The following PRKG1 variants were observed in gnomAD, a reference collection of about 807,000 sequenced individuals.
The protein encoded by PRKG1 is cGMP-dependent protein kinase 1.
PRKG1 carries 35 observed loss-of-function variants against 88.1 expected under a neutral mutation model. The ratio of observed to expected loss-of-function variants is 0.40; its 90% CI spans 0.30 to 0.53. The LOEUF (loss-of-function observed/expected upper bound fraction) is 0.53, where lower values mean the gene tolerates loss of function less well. Among genes scored for constraint, PRKG1 ranks in the 20% least tolerant of loss-of-function variants. The probability of loss-of-function intolerance (pLI) is 0.59; values close to 1 mark genes in which losing one functional copy is unlikely to be tolerated. For missense variants in PRKG1, 540 were observed against 839.8 expected (o/e 0.64, Z 4.41); for synonymous variants, 303 against 292.5 (o/e 1.04, Z -0.37).
chr10:51,982,170 A>G (rs894065962), intron 5 of PRKG1, among the ~76,000 whole-genome samples: 4 of 152,180 alleles, frequency 2.6e-5, no homozygotes, highest in African/African-American at 9.7e-5. Context: ...CAGGTTGATT[A>G]CATTCTTTTC....
chr10:51,979,847 A>G (rs933903622), intron 5 of PRKG1, among the ~76,000 whole-genome samples: 1 of 151,888 alleles, frequency 6.6e-6, no homozygotes, highest in Non-Finnish European at 1.5e-5. Context: ...CCTGTTTGTC[A>G]TTTATAATTG....
At chr10:52,081,629 A>G (rs940835823) in intron 7 of PRKG1, 2 of 456,564 alleles carry the variant, frequency 4.4e-6, no homozygotes, top group African/African-American at 2.0e-5. Context: ...GAAGCAAAAC[A>G]TGTTTCTTCA....
At chr10:51,407,201 T>C (rs1837945430) in intron 2 of PRKG1, among the ~76,000 whole-genome samples, 1 of 152,128 alleles carries the variant, frequency 6.6e-6, no homozygotes, top group Non-Finnish European at 1.5e-5. Flanking sequence ...TTCAATCCAA[T>C]CAAGTTGTCA....
chr10:51,261,666 A>T (rs1033104738), intron 2 of PRKG1, among the ~76,000 whole-genome samples: 3 of 152,166 alleles, frequency 2.0e-5, no homozygotes, highest in Admixed American at 2.0e-4. Flanking sequence ...GCAGCTTATT[A>T]TACACTGTAC....
At chr10:52,234,411 CT>C (rs1840621587) in intron 9 of PRKG1, among the ~76,000 whole-genome samples, 1 of 151,894 alleles carries the variant, frequency 6.6e-6, no homozygotes, top group South Asian at 2.1e-4. Context: ...CAGTTGAAAA[CT>C]TTGAAAAAAA....
chr10:52,072,667 C>A (rs1846531354), intron 7 of PRKG1, among the ~76,000 whole-genome samples: 1 of 152,066 alleles, frequency 6.6e-6, no homozygotes, highest in Non-Finnish European at 1.5e-5. Flanking sequence ...TTATCCTTGA[C>A]TCTTTCTTCT....
intron 2 of PRKG1, among the ~76,000 whole-genome samples, chr10:51,211,647 T>C (rs1468210624): frequency 2.0e-5 from 3 of 152,108 alleles, no homozygotes; most frequent in African/African-American, 7.2e-5. Flanking sequence ...TGTACAAAAA[T>C]CACAAGCATT....
At chr10:52,015,153 T>G (rs10733890) in intron 5 of PRKG1, among the ~76,000 whole-genome samples, 120,513 of 152,196 alleles carry the variant, frequency 0.79, 47,887 homozygotes, top group Non-Finnish European at 0.82. Context: ...TGCCCTAGTA[T>G]AGGTTCTCCA....
chr10:51,587,692 G>A (rs184693420), intron 3 of PRKG1, among the ~76,000 whole-genome samples: 1 of 152,270 alleles, frequency 6.6e-6, no homozygotes, highest in Non-Finnish European at 1.5e-5. Flanking sequence ...TCCATTGGCA[G>A]CATAGTACAA....
chr10:52,215,264 G>T (rs1463908744), intron 9 of PRKG1, among the ~76,000 whole-genome samples: 1 of 151,800 alleles, frequency 6.6e-6, no homozygotes, highest in Non-Finnish European at 1.5e-5. Flanking sequence ...CATGGTGGTG[G>T]GCACCTGTAA....
intron 2 of PRKG1, among the ~76,000 whole-genome samples, chr10:51,295,755 G>A (rs1210829134): frequency 1.3e-5 from 2 of 152,008 alleles, no homozygotes. Context: ...TCTTATACCA[G>A]AAATTAAAGA....
chr10:51,414,327 AAG>A (rs1429444976), intron 2 of PRKG1, among the ~76,000 whole-genome samples: 1 of 152,212 alleles, frequency 6.6e-6, no homozygotes, highest in Non-Finnish European at 1.5e-5. Context: ...AGGAGTTCTG[AAG>A]AGAGGCAAAA....
At chr10:51,096,689 G>A (rs560014900) in intron 1 of PRKG1, among the ~76,000 whole-genome samples, 2 of 152,216 alleles carry the variant, frequency 1.3e-5, no homozygotes, top group South Asian at 2.1e-4. Flanking sequence ...CTATAAAACA[G>A]AGATAATAAT....
intron 17 of PRKG1, among the ~76,000 whole-genome samples, chr10:52,291,352 C>G (rs1249113348): frequency 1.3e-5 from 2 of 149,958 alleles, no homozygotes; most frequent in African/African-American, 2.5e-5. Context: ...TGTGCTGCAC[C>G]CATTAACTTG....
intron 9 of PRKG1, among the ~76,000 whole-genome samples, chr10:52,163,288 CTT>C (rs1481641265): frequency 1.4e-5 from 2 of 147,388 alleles, no homozygotes; most frequent in African/African-American, 5.0e-5. Context: ...ATATATACAT[CTT>C]ATATATAATT....
intron 2 of PRKG1, among the ~76,000 whole-genome samples, chr10:51,322,643 C>T (rs1379569719): frequency 6.6e-6 from 1 of 152,124 alleles, no homozygotes; most frequent in Non-Finnish European, 1.5e-5. Context: ...AGATATCCAT[C>T]ATCTGATTTA....
intron 2 of PRKG1, among the ~76,000 whole-genome samples, chr10:51,370,337 A>T (rs759239300): frequency 1.3e-5 from 2 of 152,080 alleles, no homozygotes; most frequent in Non-Finnish European, 2.9e-5. Flanking sequence ...CTTGCAAAAG[A>T]GTTTGGTTAA....
intron 1 of PRKG1, among the ~76,000 whole-genome samples, chr10:51,142,822 T>C (rs1389363688): frequency 6.6e-6 from 1 of 152,118 alleles, no homozygotes; most frequent in Non-Finnish European, 1.5e-5. Context: ...AAAAGTCATA[T>C]TATCCAAGCA....
intron 1 of PRKG1, among the ~76,000 whole-genome samples, chr10:51,115,385 A>ATATATATATATATATATAT (rs1554837458): frequency 3.4e-4 from 32 of 94,520 alleles, no homozygotes; most frequent in South Asian, 5.4e-4. Flanking sequence ...ATATATATAT[A>ATATATATATATATATATAT]AAACAAATGT....
Sources: gnomAD v4.1 joint callset for allele counts (sites outside exome capture counted in the v4.1 genomes callset) on GRCh38, gnomAD v4.1.1 for gene constraint, MANE v1.5 for transcripts, NCBI Gene and HGNC (gene_info 2026-07-23, HGNC 2026-07-21) for gene names.